The following CELF6 variants were observed in gnomAD, a reference collection of about 807,000 sequenced individuals.
The protein encoded by CELF6 is CUGBP Elav-like family member 6.
Under a neutral mutation model 53.1 loss-of-function variants are expected in CELF6, and 32 were observed. The observed-to-expected ratio is 0.60, with a 90% confidence interval of 0.46 to 0.81. CELF6 has a LOEUF of 0.81. Among genes scored for constraint, CELF6 ranks in the 30% least tolerant of loss-of-function variants. The probability of loss-of-function intolerance (pLI) is 0.00; values close to 1 mark genes in which losing one functional copy is unlikely to be tolerated. For synonymous variants in CELF6, 291 were observed against 288.8 expected, an observed-to-expected ratio of 1.01 and a Z score of -0.08; for missense variants, 539 against 669.5, an observed-to-expected ratio of 0.81 and a Z score of 2.15.
At position 72,289,156 on chromosome 15, in the gene CELF6, C is replaced by T. The variant is rs1304948452; in HGVS notation, c.1012G>A (p.Gly338Arg). ...GGCCCACCTGGATAAGGGGAGAGCC[C>T]GTTATTGTAGAGCGTGTCGGAGCCC... ...QPGSDTLYNNGLSPYPAQSPG... is the reference protein window; with the variant it reads ...QPGSDTLYNNRLSPYPAQSPG... The change falls in exon 8 of 13, where the codon GGG becomes AGG. Residue 338 changes from glycine (G) to arginine (R), a missense_variant. This residue lies in a region of CELF6 where 358 missense variants were observed against 412.8 expected (regional missense o/e 0.87). Transcript: ENST00000287202. The surrounding 1 kb of genome is among the most constrained non-coding windows in gnomAD (Gnocchi z 7.6). 2.5e-5 allele frequency: 38 copies of T among 1,546,948 alleles called. No homozygotes were observed. Among genetic ancestry groups the T allele is most frequent in the Non-Finnish European group, 3.1e-5 (36 of 1,156,200 alleles).
In CELF6 at chr15:72,320,121, T is replaced by C; in HGVS notation, c.-247A>G. 1 of 642,832 alleles carries C rather than the reference T, an allele frequency of 1.6e-6. No homozygotes were observed. Among genetic ancestry groups the C allele is most frequent in the Non-Finnish European group, 2.9e-6 (1 of 348,486 alleles). The allele number at this position is 642,832 out of a possible 1,614,324, so 39.8% of individuals were successfully genotyped here. A position where few individuals can be genotyped will look rare whatever the true frequency, so the allele number is the denominator to read the frequency against. On this transcript the variant is annotated 5_prime_UTR_variant, in exon 1 of 13. Transcript: ENST00000287202. Reference sequence around the variant, plus strand: ...CTGAACGCTGGGGTCTGGCTTGAGGTCCCCGTGCGGCTCTCTCTGGGCTCC... The same window carrying C: ...CTGAACGCTGGGGTCTGGCTTGAGGCCCCCGTGCGGCTCTCTCTGGGCTCC...
chr15:72,288,496 C>A lies in CELF6; in HGVS notation c.1174+42G>T. The A allele has an allele frequency of 6.2e-7, 1 of 1,613,644 alleles. No homozygotes were observed. The highest frequency in any genetic ancestry group is 8.5e-7 in the Non-Finnish European group (1 of 1,179,646). ...CTGGTTCAGGGGAAGGACCCTGAGT[C>A]CAGCCCCACCAGGTTCTGCTGTCCA... On this transcript the variant is annotated intron_variant, in intron 10 of 12. Coordinates refer to ENST00000287202, the MANE Select transcript of CELF6 (RefSeq NM_052840.5). The surrounding 1 kb of genome is among the most constrained non-coding windows in gnomAD (Gnocchi z 4.6).
At chr15:72,306,397 C>A in intron 2 of CELF6, 6 of 654,328 alleles carry the variant, frequency 9.2e-6, no homozygotes, top group Non-Finnish European at 9.5e-6. Context: ...GGGGCCACTC[C>A]ATCCCTTACC....
At chr15:72,307,444 G>C (rs1284161880) in intron 2 of CELF6, among the ~76,000 whole-genome samples, 1 of 152,186 alleles carries the variant, frequency 6.6e-6, no homozygotes, top group African/African-American at 2.4e-5. Flanking sequence ...GCTCGCAGAG[G>C]GGAAGATAAT....
chr15:72,309,188 C>T (rs2088267169), intron 2 of CELF6, among the ~76,000 whole-genome samples: 1 of 152,108 alleles, frequency 6.6e-6, no homozygotes, highest in African/African-American at 2.4e-5. Context: ...GCTGGGATTA[C>T]AGGTGTGAGC....
chr15:72,290,337 G>C lies in CELF6; in HGVS notation c.395-82C>G. 2.0e-6 allele frequency: 3 copies of C among 1,492,596 alleles called. No individual in the cohort carries two copies. In the East Asian group the frequency reaches 7.1e-5, roughly 36 times the overall value. 92.5% of individuals were successfully genotyped at this position (1,492,596 alleles called of 1,614,324 possible). ...GTAGCCTGAGGAACTTAGGAAGGCA[G>C]CTCACCAGTCTCACTCTGGGAAGCA... is the stretch of plus-strand genomic sequence containing the variant. On this transcript the variant is annotated intron_variant, in intron 3 of 12. Coordinates refer to ENST00000287202, the MANE Select transcript of CELF6 (RefSeq NM_052840.5).
chr15:72,288,986 G>T lies in CELF6; in HGVS notation c.1031-56C>A. ...GAAGGCAAGCGGGCGAGCAGAGTGG[G>T]TGAGAAGCTCAGGGAGTGTGGGAGG... On this transcript the variant is annotated intron_variant, in intron 8 of 12. Transcript: ENST00000287202. This position sits in a 1 kb window ranked among gnomAD's most constrained non-coding sequence, Gnocchi z 4.6. 3.4e-6 allele frequency: 5 copies of T among 1,481,754 alleles called. No individual in the cohort carries two copies. In the Admixed American group the frequency reaches 8.1e-5, roughly 24 times the overall value. The allele number at this position is 1,481,754 out of a possible 1,614,324, so 91.8% of individuals were successfully genotyped here.
In CELF6 at chr15:72,288,758, G is replaced by C. The variant is rs1315541937; in HGVS notation, c.1093+110C>G. On this transcript the variant is annotated intron_variant, in intron 9 of 12. Coordinates refer to ENST00000287202, the MANE Select transcript of CELF6 (RefSeq NM_052840.5). The surrounding 1 kb of genome is among the most constrained non-coding windows in gnomAD (Gnocchi z 4.6). ...AAGAGAGGTCGTTCTGGGGGTAGGAGGGGATGGGAGGATCAACTCCTTGGA... is the reference window on the plus strand; with the variant it reads ...AAGAGAGGTCGTTCTGGGGGTAGGACGGGATGGGAGGATCAACTCCTTGGA... 2.2e-5 allele frequency: 30 copies of C among 1,342,252 alleles called. No individual in the cohort carries two copies. Among genetic ancestry groups the C allele is most frequent in the Non-Finnish European group, 3.0e-5 (29 of 955,392 alleles). 83.1% of individuals were successfully genotyped at this position (1,342,252 alleles called of 1,614,324 possible).
chr15:72,295,168 C>T (rs1485648622), intron 3 of CELF6, among the ~76,000 whole-genome samples: 1 of 150,158 alleles, frequency 6.7e-6, no homozygotes, highest in Non-Finnish European at 1.5e-5. Context: ...ATCCTGTCTC[C>T]ACTAAAAATA....
chr15:72,313,697 G>T (rs538818881), intron 2 of CELF6: 636 of 931,590 alleles, frequency 6.8e-4, no homozygotes, highest in Non-Finnish European at 7.9e-4. Flanking sequence ...TTACCATGCT[G>T]TTTCCCACAT....
At chr15:72,293,852 C>T (rs2141188579) in intron 3 of CELF6, among the ~76,000 whole-genome samples, 1 of 152,186 alleles carries the variant, frequency 6.6e-6, no homozygotes, top group Middle Eastern at 3.4e-3. Context: ...GCCACCATGC[C>T]CAGCTAATTT....
At chr15:72,316,909 TC>T (rs2088370825) in intron 1 of CELF6, among the ~76,000 whole-genome samples, 1 of 152,078 alleles carries the variant, frequency 6.6e-6, no homozygotes, top group African/African-American at 2.4e-5. Flanking sequence ...CCTAAACAAG[TC>T]CAAAGGGTTG....
intron 3 of CELF6, among the ~76,000 whole-genome samples, chr15:72,298,064 C>T (rs1202287610): frequency 1.3e-5 from 2 of 152,158 alleles, no homozygotes; most frequent in African/African-American, 4.8e-5. Context: ...ACAGGTATGA[C>T]TGTCAACTGA....
Position 72,289,717 on chromosome 15 carries a change from C to T in CELF6, c.657G>A (p.Ala219=). The T allele has an allele frequency of 1.4e-6, 2 of 1,480,176 alleles. No homozygotes were observed. Among genetic ancestry groups the T allele is most frequent in the South Asian group, 1.3e-5 (1 of 76,224 alleles). The allele number at this position is 1,480,176 out of a possible 1,614,324, so 91.7% of individuals were successfully genotyped here. ...CGGCCATCTGCTGCATCCGCCGCAG[C>T]GCGCGCTCCCGGTCGGTGTCCGCCA... ...VKLADTDRER[A]LRRMQQMAGH... Residue 219 remains alanine, a synonymous_variant, in exon 6 of 13, where the codon GCG becomes GCA. Transcript: ENST00000287202. This position sits in a 1 kb window ranked among gnomAD's most constrained non-coding sequence, Gnocchi z 7.6.
At position 72,302,774 on chromosome 15, in the gene CELF6, GC is replaced by G. The variant is rs549554312; in HGVS notation, c.394+1971del. ...GGGCCTGCGGACATGCTCTTCCTCT[GC>G]CCAACATGCTTGCTCCCTCTCTCCT... On this transcript the variant is annotated intron_variant, in intron 3 of 12. Transcript: ENST00000287202. 5.1e-4 allele frequency among the ~76,000 whole-genome samples: 78 copies of G among 152,266 alleles called. 2 individuals carry two copies. The Middle Eastern group carries it at 0.017, about 33-fold the overall frequency.
chr15:72,300,839 G>GA (rs964538011), intron 3 of CELF6, among the ~76,000 whole-genome samples: 2 of 138,066 alleles, frequency 1.4e-5, no homozygotes, highest in African/African-American at 5.3e-5. Context: ...ATCTCAAAAA[G>GA]AAAAAAAAAA....
At chr15:72,299,790 T>C (rs1429961003) in intron 3 of CELF6, among the ~76,000 whole-genome samples, 1 of 152,184 alleles carries the variant, frequency 6.6e-6, no homozygotes, top group South Asian at 2.1e-4. Flanking sequence ...ATGTAAAATA[T>C]AGGCCTGGAG....
At position 72,288,700 on chromosome 15, in the gene CELF6, C is replaced by A. The variant is rs940013208; in HGVS notation, c.1094-82G>T. On this transcript the variant is annotated intron_variant, in intron 9 of 12. Coordinates refer to ENST00000287202, the MANE Select transcript of CELF6 (RefSeq NM_052840.5). This position sits in a 1 kb window ranked among gnomAD's most constrained non-coding sequence, Gnocchi z 4.6. Reference sequence around the variant, plus strand: ...CCCCAACTGCCTGGCCGCTTTTGACCAATTCAGCCCAGTCCACCATAACCC... The same window carrying A: ...CCCCAACTGCCTGGCCGCTTTTGACAAATTCAGCCCAGTCCACCATAACCC... The A allele has an allele frequency of 2.8e-6, 4 of 1,418,916 alleles. No individual in the cohort carries two copies. Among genetic ancestry groups the A allele is most frequent in the African/African-American group, 1.4e-5 (1 of 70,382 alleles). 87.9% of individuals were successfully genotyped at this position (1,418,916 alleles called of 1,614,324 possible).
rs920011108 is a variant in CELF6 at position 72,289,738 on chromosome 15, C to T, written c.636G>A (p.Ala212=). The change falls in exon 6 of 13, where the codon GCG becomes GCA. Residue 212 remains alanine (A), a synonymous_variant. Coordinates refer to ENST00000287202, the MANE Select transcript of CELF6 (RefSeq NM_052840.5). The surrounding 1 kb of genome is among the most constrained non-coding windows in gnomAD (Gnocchi z 7.6). ...GCAGCGCGCGCTCCCGGTCGGTGTC[C>T]GCCAGCTTGACCACGAGGCTGGACG... ...GASSSLVVKL[A]DTDRERALRR... 9 of 1,468,544 alleles carry T rather than the reference C, an allele frequency of 6.1e-6. No homozygotes were observed. The African/African-American group carries it at 1.0e-4, about 16-fold the overall frequency. 91.0% of individuals were successfully genotyped at this position (1,468,544 alleles called of 1,614,324 possible).
Sources: gnomAD v4.1 joint callset for allele counts (sites outside exome capture counted in the v4.1 genomes callset) on GRCh38, gnomAD v4.1.1 for gene constraint, gnomAD v4.1.1 regional missense constraint, Gnocchi (gnomAD v3.1) non-coding constraint, MANE v1.5 for transcripts, NCBI Gene and HGNC (gene_info 2026-07-23, HGNC 2026-07-21) for gene names.